STARD13: variants seen among roughly 807,000 people sequenced by gnomAD.
The protein encoded by STARD13 is StAR related lipid transfer domain containing 13, also known as stAR-related lipid transfer protein 13.
Under a neutral mutation model 106.4 loss-of-function variants are expected in STARD13, and 62 were observed. The ratio of observed to expected loss-of-function variants is 0.58; its 90% confidence interval spans 0.48 to 0.72. The LOEUF is 0.72. Ranked by LOEUF, STARD13 falls within the 30% of genes least tolerant of loss-of-function variation. The pLI, the probability that STARD13 is intolerant of heterozygous loss-of-function variation, is 0.00. For missense variants in STARD13, 1,387 were observed against 1,424.0 expected (o/e 0.97, Z 0.42); for synonymous variants, 565 against 553.0 (o/e 1.02, Z -0.31).
At chr13:33,143,457 A>G (rs1427204162) in intron 3 of STARD13, among the ~76,000 whole-genome samples, 1 of 152,240 alleles carries the variant, frequency 6.6e-6, no homozygotes, top group African/African-American at 2.4e-5. Flanking sequence ...GTATACCAAT[A>G]ATCATTCAGC....
chr13:33,112,107 C>T (rs777285939), intron 9 of STARD13, among the ~76,000 whole-genome samples: 11 of 152,198 alleles, frequency 7.2e-5, no homozygotes, highest in Admixed American at 2.6e-4. Context: ...AACTAAAGGG[C>T]AGGAAGAACA....
intron 3 of STARD13, among the ~76,000 whole-genome samples, chr13:33,155,809 G>A (rs1432531353): frequency 6.6e-6 from 1 of 152,112 alleles, no homozygotes. Flanking sequence ...TTACTTGCAG[G>A]AAGCTAAAAG....
chr13:33,646,364 G>A, the STARD13 span, among the ~76,000 whole-genome samples: 12 of 152,324 alleles, frequency 7.9e-5, no homozygotes, highest in East Asian at 1.9e-4. Context: ...TCCCTGTAAG[G>A]GAAAAACATT....
At chr13:33,528,701 A>G in the STARD13 span, among the ~76,000 whole-genome samples, 1 of 152,116 alleles carries the variant, frequency 6.6e-6, no homozygotes, top group African/African-American at 2.4e-5. Context: ...ACATCTGAGA[A>G]ATAAGAGGCC....
chr13:33,526,005 A>G, the STARD13 span, among the ~76,000 whole-genome samples: 2 of 152,158 alleles, frequency 1.3e-5, no homozygotes, highest in Admixed American at 1.3e-4. Flanking sequence ...GCCAAGTCTG[A>G]TGAGAATTTT....
chr13:33,345,758 A>C (rs954351839), downstream of STARD13, among the ~76,000 whole-genome samples: 1 of 152,144 alleles, frequency 6.6e-6, no homozygotes, highest in Non-Finnish European at 1.5e-5. Context: ...ATATATTTGA[A>C]CATCATTCAT....
intron 8 of STARD13, among the ~76,000 whole-genome samples, chr13:33,115,684 A>C (rs1419100191): frequency 6.6e-6 from 1 of 152,236 alleles, no homozygotes; most frequent in African/African-American, 2.4e-5. Flanking sequence ...TGTTTGGTTT[A>C]AGGGGGAAGC....
chr13:33,541,355 T>A, the STARD13 span, among the ~76,000 whole-genome samples: 1 of 152,218 alleles, frequency 6.6e-6, no homozygotes, highest in African/African-American at 2.4e-5. Flanking sequence ...TGTTTTCTAG[T>A]ATCTTCCAAC....
chr13:33,448,255 A>G, the STARD13 span, among the ~76,000 whole-genome samples: 34 of 152,016 alleles, frequency 2.2e-4, no homozygotes, highest in South Asian at 6.2e-4. Context: ...TAATTCTCCT[A>G]TTCTCCCTCC....
intron 1 of STARD13, among the ~76,000 whole-genome samples, chr13:33,183,293 T>C (rs1019761882): frequency 6.6e-6 from 1 of 152,220 alleles, no homozygotes; most frequent in African/African-American, 2.4e-5. Context: ...GCTCAAGACA[T>C]GCTGAATTAA....
At chr13:33,169,294 T>C (rs371009098) in intron 1 of STARD13, among the ~76,000 whole-genome samples, 2 of 152,252 alleles carry the variant, frequency 1.3e-5, no homozygotes, top group Non-Finnish European at 2.9e-5. Flanking sequence ...AAGGCAATTA[T>C]TGCATTGCTC....
chr13:33,225,206 C>A (rs1888559063), intron 1 of STARD13, among the ~76,000 whole-genome samples: 1 of 152,130 alleles, frequency 6.6e-6, no homozygotes, highest in African/African-American at 2.4e-5. Flanking sequence ...ATAAAACATT[C>A]ATTCATTCAA....
At chr13:33,580,595 C>T in the STARD13 span, among the ~76,000 whole-genome samples, 1 of 151,836 alleles carries the variant, frequency 6.6e-6, no homozygotes, top group Non-Finnish European at 1.5e-5. Context: ...ATAAATGTAC[C>T]ACACGAATAA....
At chr13:33,519,311 C>CTT in the STARD13 span, among the ~76,000 whole-genome samples, 1 of 34,432 alleles carries the variant, frequency 2.9e-5, no homozygotes, top group African/African-American at 3.3e-4. Flanking sequence ...CTCTTTCTTT[C>CTT]TCTCTCTCTC....
chr13:33,402,642 C>A, the STARD13 span, among the ~76,000 whole-genome samples: 104 of 152,310 alleles, frequency 6.8e-4, no homozygotes, highest in African/African-American at 2.4e-3. Flanking sequence ...AAATCCCAAA[C>A]CCCAGGCTCC....
chr13:33,614,110 CA>C, the STARD13 span, among the ~76,000 whole-genome samples: 1 of 152,138 alleles, frequency 6.6e-6, no homozygotes, highest in Non-Finnish European at 1.5e-5. Context: ...CAGATTAAAG[CA>C]GAGCTGATCT....
intron 1 of STARD13, among the ~76,000 whole-genome samples, chr13:33,342,259 T>C (rs2138596699): frequency 6.6e-6 from 1 of 152,350 alleles, no homozygotes; most frequent in African/African-American, 2.4e-5. Flanking sequence ...AAGCTTTGTT[T>C]GATCAGACTA....
chr13:33,571,874 G>A, the STARD13 span, among the ~76,000 whole-genome samples: 2 of 152,132 alleles, frequency 1.3e-5, no homozygotes, highest in Admixed American at 6.6e-5. Context: ...GAGTGTGTGG[G>A]CTTCTGAGAG....
chr13:33,141,803 AG>A lies in STARD13; in HGVS notation c.387+506del, dbSNP rs1165436398. Among the ~76,000 whole-genome samples the A allele has an allele frequency of 3.9e-5, 6 of 152,336 alleles. No individual in the cohort carries two copies. The East Asian group carries it at 7.7e-4, about 20-fold the overall frequency. On this transcript the variant is annotated intron_variant, in intron 4 of 13. Coordinates refer to ENST00000336934, the MANE Select transcript of STARD13 (RefSeq NM_178006.4). Reference sequence around the variant, plus strand: ...TGCTGTGAAGCATTTGAGTCTAATAAGGGGTTGACATTTACAACGGACACTT... The same window carrying A: ...TGCTGTGAAGCATTTGAGTCTAATAAGGGTTGACATTTACAACGGACACTT...
Sources: gnomAD v4.1 joint callset for allele counts (sites outside exome capture counted in the v4.1 genomes callset) on GRCh38, gnomAD v4.1.1 for gene constraint, MANE v1.5 for transcripts, NCBI Gene and HGNC (gene_info 2026-07-23, HGNC 2026-07-21) for gene names.